SPG7: variants seen among roughly 807,000 people sequenced by gnomAD.
The protein encoded by SPG7 is mitochondrial inner membrane m-AAA protease component paraplegin.
Under a neutral mutation model 81.9 loss-of-function variants are expected in SPG7, and 103 were observed. That is an observed-to-expected ratio of 1.26 (90% confidence interval 1.07 to 1.48). The LOEUF is 1.48. Ranked by LOEUF, SPG7 falls within the 40% of genes most tolerant of loss-of-function variation. The pLI, the probability that SPG7 is intolerant of heterozygous loss-of-function variation, is 0.00. For missense variants in SPG7, 1,241 were observed against 1,087.3 expected, an observed-to-expected ratio of 1.14 and a Z score of -1.99; for synonymous variants, 534 against 444.2, an observed-to-expected ratio of 1.20 and a Z score of -2.54.
At position 89,553,006 on chromosome 16, in the gene SPG7, G is replaced by A. The variant is rs370852816; in HGVS notation, c.1807G>A (p.Ala603Thr). Residue 603 changes from alanine (A) to threonine (T), a missense_variant, in exon 14 of 17, where the codon GCC becomes ACC. Coordinates refer to ENST00000645818, the MANE Select transcript of SPG7 (RefSeq NM_003119.4). ...CTCCATAACCCCTCGGACAAACGCC[G>A]CCCTGGGCTTTGCTCAGATGCTCCC... ...KVSITPRTNA[A>T]LGFAQMLPRD... 2.5e-5 allele frequency: 41 copies of A among 1,613,790 alleles called. No individual in the cohort carries two copies. Among genetic ancestry groups the A allele is most frequent in the Middle Eastern group, 1.6e-4 (1 of 6,062 alleles).
chr16:89,553,852 T>C lies in SPG7; in HGVS notation c.1995T>C (p.Phe665=). The C allele has an allele frequency of 6.2e-7, 1 of 1,613,536 alleles. No homozygotes were observed. Residue 665 remains phenylalanine, a synonymous_variant, in exon 15 of 17, where the codon TTT becomes TTC. Coordinates refer to ENST00000645818, the MANE Select transcript of SPG7 (RefSeq NM_003119.4). The part of the protein sequence containing the change: ...TRIAYSMVKQ[F]GMAPGIGPIS... ...TCGCCTACTCCATGGTGAAGCAGTT[T>C]GGGATGGCACCTGGCATCGGGCCCA...
At chr16:89,553,631 T>TGGTGAG in intron 14 of SPG7, 163 bp from the exon 15 acceptor site, 1 of 654,360 alleles carries the variant, frequency 1.5e-6, no homozygotes, top group South Asian at 1.8e-5. Flanking sequence ...TAAGGAACAG[T>TGGTGAG]GGTGAGGTGC....
chr16:89,536,469 G>GGGTGAGGCGGGCGAGGCCA lies in SPG7; in HGVS notation c.1324+3844_1324+3845insCGAGGCCAGGTGAGGCGGG, dbSNP rs1222055660. On this transcript the variant is annotated intron_variant, in intron 9 of 16. Coordinates refer to ENST00000645818, the MANE Select transcript of SPG7 (RefSeq NM_003119.4). ...GGACTCTCGGTGAGGCGGGTGAGGC[G>GGGTGAGGCGGGCGAGGCCA]GGTGAGGCGGGTGAGGTCAGGTGAG... Among the ~76,000 whole-genome samples the GGGTGAGGCGGGCGAGGCCA allele has an allele frequency of 8.4e-5, 10 of 119,584 alleles. 3 individuals are homozygous for GGGTGAGGCGGGCGAGGCCA. The highest frequency in any genetic ancestry group is 3.3e-4 in the African/African-American group (10 of 30,578). 78.5% of individuals were successfully genotyped at this position (119,584 alleles called of 152,430 possible). A position where few individuals can be genotyped will look rare whatever the true frequency, so the allele number is the denominator to read the frequency against.
intron 12 of SPG7, chr16:89,549,092 G>T (rs933096238): frequency 2.2e-6 from 1 of 456,402 alleles, no homozygotes; most frequent in Admixed American, 2.3e-5. Context: ...CCTGCGGGTC[G>T]AGAGGACTGG....
intron 14 of SPG7, chr16:89,553,393 G>T (rs1430478077): frequency 3.6e-6 from 2 of 551,872 alleles, no homozygotes; most frequent in African/African-American, 3.8e-5. Context: ...AATGGCTACA[G>T]GAAACGGAAT....
upstream of SPG7, chr16:89,508,402 C>T (rs1022251506): frequency 1.2e-5 from 17 of 1,472,818 alleles, no homozygotes; most frequent in South Asian, 1.3e-4. Context: ...CACGCAGGCG[C>T]GGCTTTCAGG....
intron 4 of SPG7, among the ~76,000 whole-genome samples, chr16:89,524,969 T>G (rs1167402160): frequency 6.7e-6 from 1 of 148,460 alleles, no homozygotes; most frequent in Non-Finnish European, 1.5e-5. Context: ...TTTTTTTTTT[T>G]TGGAGACAGA....
chr16:89,523,110 C>G (rs1049317163), intron 3 of SPG7: 3 of 157,770 alleles, frequency 1.9e-5, no homozygotes, highest in African/African-American at 7.2e-5. Context: ...AAGCATAATG[C>G]CACCGTGTCT....
intron 9 of SPG7, 44 bp downstream of exon 9, chr16:89,532,680 AG>A: frequency 1.9e-6 from 3 of 1,609,316 alleles, no homozygotes; most frequent in Non-Finnish European, 2.5e-6. Context: ...CCATCAGAGG[AG>A]GTTTTCCGAT....
intron 9 of SPG7, chr16:89,543,822 T>G (rs1444828667): frequency 6.6e-6 from 1 of 151,858 alleles, no homozygotes; most frequent in Non-Finnish European, 1.5e-5. Flanking sequence ...CCCGGCTAAT[T>G]TTTTGTATCT....
intron 5 of SPG7, chr16:89,528,671 A>G (rs1016038630): frequency 4.6e-5 from 7 of 150,978 alleles, no homozygotes; most frequent in South Asian, 2.1e-4. Flanking sequence ...CAGTGGTGCA[A>G]TCTCAGCTTA....
At chr16:89,550,361 C>T (rs1397617535) in intron 12 of SPG7, 133 bp from the exon 13 acceptor site, 14 of 722,822 alleles carry the variant, frequency 1.9e-5, no homozygotes, top group East Asian at 7.8e-5. Flanking sequence ...TTAGTAGGGA[C>T]GGGGTTTCAC....
intron 3 of SPG7, among the ~76,000 whole-genome samples, chr16:89,513,391 C>T (rs532391887): frequency 5.9e-5 from 9 of 152,222 alleles, no homozygotes; most frequent in Non-Finnish European, 7.4e-5. Context: ...TGGCACACGC[C>T]TGTAATCCCA....
In SPG7 at chr16:89,557,026, G is replaced by A; in HGVS notation, c.2321G>A (p.Gly774Asp). 1 of 1,613,328 alleles carries A rather than the reference G, an allele frequency of 6.2e-7. No individual in the cohort carries two copies. The highest frequency in any genetic ancestry group is 8.5e-7 in the Non-Finnish European group (1 of 1,180,032). ...IDAQREKQDLGEEETEETQQP... is the reference protein window; with the variant it reads ...IDAQREKQDLDEEETEETQQP... ...GCCCAGAGGGAGAAACAGGACTTGG[G>A]CGAGGAGGAGACCGAAGAGACCCAG... Residue 774 changes from glycine (G) to aspartate (D), a missense_variant, in exon 17 of 17, where the codon GGC becomes GAC. Transcript: ENST00000645818.
chr16:89,537,774 G>C, intron 9 of SPG7: 1 of 985,468 alleles, frequency 1.0e-6, no homozygotes, highest in South Asian at 4.7e-5. Flanking sequence ...CAGTGTCTGG[G>C]CAGTGAATGA....
chr16:89,554,148 G>A (rs1276252623), intron 15 of SPG7, among the ~76,000 whole-genome samples, 188 bp downstream of exon 15: 6 of 152,234 alleles, frequency 3.9e-5, no homozygotes, highest in Non-Finnish European at 7.3e-5. Context: ...TGAGGACATA[G>A]ATGCTCCTAA....
Position 89,544,636 on chromosome 16 carries a change from C to A in SPG7, c.1325-12C>A. 1 of 1,613,984 alleles carries A rather than the reference C, an allele frequency of 6.2e-7. No individual in the cohort carries two copies. The highest frequency in any genetic ancestry group is 1.1e-5 in the South Asian group (1 of 91,068). ...CCTACCCTCAGAGCCACTGTCTGCT[C>A]TGTCCCCTCAGGAATGGGTACCACA... On this transcript the variant is annotated splice_polypyrimidine_tract_variant and intron_variant, in intron 9 of 16. Transcript: ENST00000645818.
chr16:89,510,415 G>T (rs746537685), intron 1 of SPG7, 75 bp from the exon 2 acceptor site: 87 of 900,860 alleles, frequency 9.7e-5, no homozygotes, highest in Non-Finnish European at 1.5e-4. Flanking sequence ...TTTTAAAAAC[G>T]ATTTTTAGTC....
chr16:89,511,631 T>C (rs1050542752), intron 2 of SPG7, among the ~76,000 whole-genome samples: 1 of 152,236 alleles, frequency 6.6e-6, no homozygotes, highest in African/African-American at 2.4e-5. Context: ...TGAGGTGACA[T>C]GCAAGTGGCA....
Sources: gnomAD v4.1 joint callset for allele counts (sites outside exome capture counted in the v4.1 genomes callset) on GRCh38, gnomAD v4.1.1 for gene constraint, MANE v1.5 for transcripts, NCBI Gene and HGNC (gene_info 2026-07-23, HGNC 2026-07-21) for gene names.